Variants in MCC observed in about 807,000 individuals in gnomAD.
MCC encodes the protein colorectal mutant cancer protein.
MCC carries 90 observed loss-of-function variants against 116.2 expected under a neutral mutation model. The observed-to-expected ratio is 0.77, with a 90% CI of 0.65 to 0.92. MCC has a LOEUF of 0.92. MCC is among the 40% of genes least tolerant of loss of function. The pLI, the probability that MCC is intolerant of heterozygous loss-of-function variation, is 0.00. For missense variants in MCC, 1,516 were observed against 1,312.2 expected (o/e 1.16, Z -2.40); for synonymous variants, 578 against 510.5 (o/e 1.13, Z -1.78).
chr5:113,307,602 C>A (rs1351452498), intron 3 of MCC, among the ~76,000 whole-genome samples: 1 of 152,066 alleles, frequency 6.6e-6, no homozygotes, highest in Non-Finnish European at 1.5e-5. Context: ...GATTTTTTTA[C>A]TTCTTCTTTT....
chr5:113,255,957 T>A (rs1764988469), intron 3 of MCC, among the ~76,000 whole-genome samples: 1 of 152,240 alleles, frequency 6.6e-6, no homozygotes, highest in Admixed American at 6.5e-5. Context: ...GCTTATTTGA[T>A]CTGATTCAGC....
Position 113,178,005 on chromosome 5 carries a change from A to G in MCC, c.628-26583T>C, listed in dbSNP as rs369815167. Among the ~76,000 whole-genome samples, 49 of 152,354 alleles carry G rather than the reference A, an allele frequency of 3.2e-4. 1 individual carries two copies. Among genetic ancestry groups the G allele is most frequent in the African/African-American group, 1.1e-3 (46 of 41,598 alleles). ...TTCACTATGTTAAACCTGCAAGAAC[A>G]CATACTTGGAACACCATCTGCAAAA... is the stretch of plus-strand genomic sequence containing the variant. On this transcript the variant is annotated intron_variant, in intron 3 of 18. Coordinates refer to ENST00000408903, the MANE Select transcript of MCC (RefSeq NM_001085377.2).
intron 3 of MCC, among the ~76,000 whole-genome samples, chr5:113,299,288 GTC>G (rs1272300935): frequency 1.6e-3 from 98 of 62,634 alleles, no homozygotes; most frequent in African/African-American, 6.0e-3. Context: ...GTGAGACTCC[GTC>G]TCAAAAAAAA....
In MCC at chr5:113,084,202, A is replaced by G. The variant is rs1382979948; in HGVS notation, c.1546-12T>C. 2 of 1,606,402 alleles carry G rather than the reference A, an allele frequency of 1.2e-6. No individual in the cohort carries two copies. Among genetic ancestry groups the G allele is most frequent in the African/African-American group, 2.7e-5 (2 of 74,812 alleles). On this transcript the variant is annotated splice_polypyrimidine_tract_variant and intron_variant, in intron 9 of 18. Coordinates refer to ENST00000408903, the MANE Select transcript of MCC (RefSeq NM_001085377.2). ...ACCCTCTCAGCAATCTTAAAAAAGAAAACAAAACATTATAGAAAACTACAC... is the reference window on the plus strand; with the variant it reads ...ACCCTCTCAGCAATCTTAAAAAAGAGAACAAAACATTATAGAAAACTACAC...
At chr5:113,375,608 C>G (rs1473301266) in intron 2 of MCC, among the ~76,000 whole-genome samples, 3 of 152,110 alleles carry the variant, frequency 2.0e-5, no homozygotes, top group African/African-American at 4.8e-5. Flanking sequence ...GGTAGCTTGA[C>G]AGGGGCTGGA....
intron 3 of MCC, among the ~76,000 whole-genome samples, chr5:113,245,398 C>T (rs1033380364): frequency 6.6e-6 from 1 of 151,630 alleles, no homozygotes; most frequent in Admixed American, 6.6e-5. Flanking sequence ...TTCTCCAAGT[C>T]ATCTGTTTTT....
chr5:113,131,380 C>T (rs1415073339), intron 5 of MCC, among the ~76,000 whole-genome samples: 1 of 152,018 alleles, frequency 6.6e-6, no homozygotes. Context: ...AGAAAGAGCA[C>T]ATATTACAAA....
chr5:113,224,509 G>T (rs1036415675), intron 3 of MCC, among the ~76,000 whole-genome samples: 1 of 152,148 alleles, frequency 6.6e-6, no homozygotes, highest in Non-Finnish European at 1.5e-5. Context: ...AACTGCCCTC[G>T]TCCTTAAGCA....
At chr5:113,171,149 T>C (rs1377867970) in intron 3 of MCC, among the ~76,000 whole-genome samples, 3 of 151,928 alleles carry the variant, frequency 2.0e-5, no homozygotes, top group African/African-American at 7.3e-5. Flanking sequence ...CAGAGTGCTA[T>C]CACAGCATGG....
At chr5:113,277,061 G>T (rs931639770) in intron 3 of MCC, among the ~76,000 whole-genome samples, 3 of 151,780 alleles carry the variant, frequency 2.0e-5, no homozygotes, top group Non-Finnish European at 4.4e-5. Context: ...AAGACATACC[G>T]GCCAGGCATG....
chr5:113,465,018 G>C (rs973716622), intron 1 of MCC, among the ~76,000 whole-genome samples: 1 of 151,574 alleles, frequency 6.6e-6, no homozygotes, highest in Non-Finnish European at 1.5e-5. Context: ...ATTTAGAAAC[G>C]TATCCTATTT....
intron 2 of MCC, among the ~76,000 whole-genome samples, chr5:113,364,187 C>A (rs747251997): frequency 7.6e-6 from 1 of 131,878 alleles, no homozygotes; most frequent in African/African-American, 2.9e-5. Context: ...GCTGAGATTG[C>A]GTCACTGCAC....
At chr5:113,340,409 G>T (rs942059645) in intron 3 of MCC, 110 bp downstream of exon 3, 2 of 915,278 alleles carry the variant, frequency 2.2e-6, no homozygotes, top group African/African-American at 1.7e-5. Flanking sequence ...AATATTTACC[G>T]CAATAAAGAA....
intron 3 of MCC, among the ~76,000 whole-genome samples, chr5:113,264,870 C>G (rs1194009398): frequency 6.6e-6 from 1 of 152,022 alleles, no homozygotes; most frequent in Non-Finnish European, 1.5e-5. Context: ...GGTGAAACCC[C>G]ATCTCTACTA....
At chr5:113,130,635 T>C (rs115139394) in intron 5 of MCC, among the ~76,000 whole-genome samples, 3,833 of 152,256 alleles carry the variant, frequency 0.025, 67 homozygotes, top group Middle Eastern at 0.058. Flanking sequence ...CAAGAGATTA[T>C]TGCCCTTCCT....
At chr5:113,339,438 T>TGTGTGTGTGTGTGTGTGCGC (rs145838279) in intron 3 of MCC, among the ~76,000 whole-genome samples, 65 of 149,668 alleles carry the variant, frequency 4.3e-4, no homozygotes, top group Non-Finnish European at 7.0e-4. Flanking sequence ...TGTGTGTGTG[T>TGTGTGTGTGTGTGTGTGCGC]GCGTGCATGT....
intron 14 of MCC, among the ~76,000 whole-genome samples, chr5:113,060,212 A>T (rs2150227294): frequency 6.6e-6 from 1 of 152,196 alleles, no homozygotes; most frequent in South Asian, 2.1e-4. Context: ...CTGGAGTGCA[A>T]TAGCATGATT....
At chr5:113,075,227 G>A (rs572002268) in intron 11 of MCC, among the ~76,000 whole-genome samples, 14 of 152,338 alleles carry the variant, frequency 9.2e-5, no homozygotes, top group African/African-American at 2.2e-4. Flanking sequence ...CTTCCGGCCC[G>A]CTCGCGCCAC....
rs147293186 is a variant in MCC, at chr5:113,206,858, T to G, written c.628-55436A>C. Among the ~76,000 whole-genome samples, 13 of 152,344 alleles carry G rather than the reference T, an allele frequency of 8.5e-5. No homozygotes were observed. The East Asian group carries it at 2.3e-3, about 27-fold the overall frequency. On this transcript the variant is annotated intron_variant, in intron 3 of 18. Transcript: ENST00000408903. ...CCTTACAGTTTTCGTAAGCTTTCCC[T>G]CATTTGATCATGACAATAGCTCTGT...
Sources: gnomAD v4.1 joint callset for allele counts (sites outside exome capture counted in the v4.1 genomes callset) on GRCh38, gnomAD v4.1.1 for gene constraint, MANE v1.5 for transcripts, NCBI Gene and HGNC (gene_info 2026-07-23, HGNC 2026-07-21) for gene names.